The following USP34 variants were observed in gnomAD, a reference collection of about 807,000 sequenced individuals.
USP34 encodes the protein ubiquitin carboxyl-terminal hydrolase 34.
USP34 carries 70 observed loss-of-function variants against 460.3 expected under a neutral mutation model. That is an observed-to-expected ratio of 0.15 (90% CI 0.13 to 0.19). USP34 has a LOEUF of 0.19. Among genes scored for constraint, USP34 ranks in the 10% least tolerant of loss-of-function variants. The pLI is 1.00. For missense variants in USP34, 3,985 were observed against 4,236.2 expected (o/e 0.94, Z 1.65); for synonymous variants, 1,647 against 1,405.3 (o/e 1.17, Z -3.85).
At chr2:61,282,648 G>A (rs6749226) in intron 37 of USP34, among the ~76,000 whole-genome samples, 50,964 of 151,806 alleles carry the variant, frequency 0.34, 8,620 homozygotes, top group Non-Finnish European at 0.38. Context: ...AAACTAGCTG[G>A]GCATGGTGAT....
chr2:61,193,405 T>C (rs1377304342), intron 75 of USP34: 1 of 134,030 alleles, frequency 7.5e-6, no homozygotes, highest in African/African-American at 2.8e-5. Context: ...GAATTAAACA[T>C]ATCTTTCCTC....
chr2:61,425,896 G>C lies in USP34; in HGVS notation c.44-5063C>G, dbSNP rs146474210. 7.2e-5 allele frequency among the ~76,000 whole-genome samples: 11 copies of C among 151,966 alleles called. 1 individual carries two copies. In the East Asian group the frequency reaches 2.1e-3, roughly 30 times the overall value. ...CCTTCCTTCTGTTTGAGGAGAGAAG[G>C]AAGAGTGGGGGGGACTCTCTTGCAT... On this transcript the variant is annotated intron_variant, in intron 1 of 79. Coordinates refer to ENST00000398571, the MANE Select transcript of USP34 (RefSeq NM_014709.4).
intron 1 of USP34, among the ~76,000 whole-genome samples, chr2:61,458,863 C>G (rs1695515093): frequency 6.6e-6 from 1 of 151,984 alleles, no homozygotes; most frequent in African/African-American, 2.4e-5. Flanking sequence ...GTCAGGAGTT[C>G]AAGACCAGCC....
At chr2:61,278,571 G>A (rs548550509) in intron 39 of USP34, 128 bp from the exon 40 acceptor site, 14 of 659,026 alleles carry the variant, frequency 2.1e-5, no homozygotes, top group East Asian at 5.8e-5. Flanking sequence ...AGTTATAAAC[G>A]TAATACACCT....
At chr2:61,326,332 G>A (rs373055521) in intron 20 of USP34, among the ~76,000 whole-genome samples, 2 of 151,944 alleles carry the variant, frequency 1.3e-5, no homozygotes, top group East Asian at 1.9e-4. Context: ...CTTAGCCTCC[G>A]GAGTAGCTGG....
At chr2:61,345,282 A>G (rs532689985) in intron 15 of USP34, among the ~76,000 whole-genome samples, 1 of 152,318 alleles carries the variant, frequency 6.6e-6, no homozygotes, top group African/African-American at 2.4e-5. Flanking sequence ...TAAAAAAAAA[A>G]AAAAAATTGT....
chr2:61,311,948 A>G, intron 25 of USP34, 38 bp from the exon 26 acceptor site: 1 of 1,596,726 alleles, frequency 6.3e-7, no homozygotes, highest in South Asian at 1.1e-5. Context: ...AAAGGATACC[A>G]TTTTAAACCA....
At chr2:61,399,077 C>T (rs985107817) in intron 3 of USP34, among the ~76,000 whole-genome samples, 1 of 152,040 alleles carries the variant, frequency 6.6e-6, no homozygotes, top group Admixed American at 6.6e-5. Context: ...TCCTAACGGC[C>T]GGTGCAGTGG....
intron 10 of USP34, among the ~76,000 whole-genome samples, chr2:61,368,743 T>A (rs73936126): frequency 6.6e-6 from 1 of 152,058 alleles, no homozygotes; most frequent in African/African-American, 2.4e-5. Context: ...ATAATTGCAA[T>A]AGAAAATGTA....
chr2:61,302,879 T>A (rs185257112), intron 27 of USP34, among the ~76,000 whole-genome samples: 1 of 152,334 alleles, frequency 6.6e-6, no homozygotes. Flanking sequence ...TTCATACAGA[T>A]AACTTCACAG....
chr2:61,461,094 A>G (rs901278471), intron 1 of USP34, among the ~76,000 whole-genome samples: 3 of 151,986 alleles, frequency 2.0e-5, no homozygotes, highest in Non-Finnish European at 4.4e-5. Context: ...TTGAATTTTG[A>G]AAGAAGGTAA....
At chr2:61,354,608 G>A (rs1005636899) in intron 10 of USP34, among the ~76,000 whole-genome samples, 25 of 152,102 alleles carry the variant, frequency 1.6e-4, no homozygotes, top group Non-Finnish European at 1.5e-5. Context: ...GTTAGCACTG[G>A]GGCAGCCAGG....
rs962622324 is a variant in USP34, at chr2:61,470,887, G to T, written c.-195C>A. On this transcript the variant is annotated 5_prime_UTR_variant, in exon 1 of 80. Coordinates refer to ENST00000398571, the MANE Select transcript of USP34 (RefSeq NM_014709.4). ...GGGGCCGGCGGTCCCCGCAGCGGGA[G>T]GGGGAGAGGAGGGGAGCGAGGGGAG... The T allele has an allele frequency of 5.3e-4, 178 of 338,090 alleles. 2 individuals carry two copies. The highest frequency in any genetic ancestry group is 1.2e-3 in the Admixed American group (23 of 19,474). The allele number at this position is 338,090 out of a possible 1,614,324, so 20.9% of individuals were successfully genotyped here. A position where few individuals can be genotyped will look rare whatever the true frequency, so the allele number is the denominator to read the frequency against.
At chr2:61,322,250 G>C (rs996677471) in intron 21 of USP34, among the ~76,000 whole-genome samples, 3 of 150,998 alleles carry the variant, frequency 2.0e-5, no homozygotes, top group Non-Finnish European at 4.4e-5. Flanking sequence ...CAAAGACAAA[G>C]AAAAAAAGAA....
chr2:61,423,565 A>G (rs1297516705), intron 1 of USP34, among the ~76,000 whole-genome samples: 1 of 152,238 alleles, frequency 6.6e-6, no homozygotes, highest in Non-Finnish European at 1.5e-5. Context: ...AAATGGGAAG[A>G]AATCCCACAT....
chr2:61,198,752 C>G (rs1423626676), intron 75 of USP34, among the ~76,000 whole-genome samples: 1 of 151,960 alleles, frequency 6.6e-6, no homozygotes, highest in Non-Finnish European at 1.5e-5. Flanking sequence ...ACCTGTAGTC[C>G]CAGCTACTTG....
intron 33 of USP34, among the ~76,000 whole-genome samples, chr2:61,289,604 C>G (rs1286244435): frequency 6.6e-6 from 1 of 152,042 alleles, no homozygotes; most frequent in Non-Finnish European, 1.5e-5. Flanking sequence ...CCTACACAAA[C>G]ATACCAGAAA....
chr2:61,365,123 G>A (rs141956368), intron 10 of USP34, among the ~76,000 whole-genome samples: 4,052 of 151,120 alleles, frequency 0.027, 190 homozygotes, highest in African/African-American at 0.094. Flanking sequence ...ATGGAGGTGC[G>A]CGCCTATAAT....
intron 1 of USP34, among the ~76,000 whole-genome samples, chr2:61,451,257 C>G (rs1453908279): frequency 9.1e-6 from 1 of 109,320 alleles, no homozygotes; most frequent in East Asian, 2.3e-4. Context: ...AAATGAATAA[C>G]TTTTCACAAC....
Sources: allele counts gnomAD v4.1 joint callset (sites outside exome capture counted in the v4.1 genomes callset), GRCh38; gene constraint gnomAD v4.1.1; transcripts MANE v1.5; gene names NCBI Gene and HGNC (gene_info 2026-07-23, HGNC 2026-07-21).